PRELID2: variants seen among roughly 807,000 people sequenced by gnomAD.
PRELID2 encodes PRELI domain-containing protein 2.
In PRELID2, 25 loss-of-function variants were observed where a neutral mutation model predicts 28.4. The observed-to-expected ratio is 0.88, with a 90% CI of 0.64 to 1.23. The LOEUF (loss-of-function observed/expected upper bound fraction) is 1.23, where lower values mean the gene tolerates loss of function less well. Ranked by LOEUF, PRELID2 falls within the 50% of genes most tolerant of loss-of-function variation. The probability of loss-of-function intolerance (pLI) is 0.00; values close to 1 mark genes in which losing one functional copy is unlikely to be tolerated. For synonymous variants in PRELID2, 76 were observed against 71.6 expected, an observed-to-expected ratio of 1.06 and a Z score of -0.31; for missense variants, 201 against 214.4, an observed-to-expected ratio of 0.94 and a Z score of 0.39.
intron 1 of PRELID2, among the ~76,000 whole-genome samples, chr5:145,714,807 T>C (rs1269460414): frequency 6.6e-6 from 1 of 152,146 alleles, no homozygotes; most frequent in Non-Finnish European, 1.5e-5. Context: ...CACTTTCTTC[T>C]TGTTGCTTCT....
the PRELID2 span, among the ~76,000 whole-genome samples, chr5:145,256,446 T>G: frequency 6.6e-6 from 1 of 152,064 alleles, no homozygotes; most frequent in African/African-American, 2.4e-5. Context: ...GTTCACCCAG[T>G]TGATCCAGAA....
chr5:145,272,659 G>A, the PRELID2 span, among the ~76,000 whole-genome samples: 2 of 151,974 alleles, frequency 1.3e-5, no homozygotes, highest in Non-Finnish European at 2.9e-5. Context: ...GGGTTATTGA[G>A]ACAATTAGAT....
chr5:145,659,911 G>A (rs1272656385), intron 1 of PRELID2, among the ~76,000 whole-genome samples: 3 of 152,148 alleles, frequency 2.0e-5, no homozygotes, highest in Non-Finnish European at 4.4e-5. Flanking sequence ...ATAGAAAAGG[G>A]TAGCAGGAGA....
chr5:145,731,235 G>C (rs991510242), intron 1 of PRELID2, among the ~76,000 whole-genome samples: 58 of 152,330 alleles, frequency 3.8e-4, no homozygotes, highest in African/African-American at 1.3e-3. Context: ...AACATACTCA[G>C]TTTTGAACAT....
the PRELID2 span, among the ~76,000 whole-genome samples, chr5:145,275,901 T>C: frequency 5.9e-5 from 9 of 152,126 alleles, no homozygotes; most frequent in African/African-American, 2.2e-4. Flanking sequence ...TTTATCCTAA[T>C]CACAGTATGC....
intron 1 of PRELID2, among the ~76,000 whole-genome samples, chr5:145,577,350 A>T (rs1055128347): frequency 6.6e-6 from 1 of 152,166 alleles, no homozygotes; most frequent in Non-Finnish European, 1.5e-5. Context: ...CACAGAAACA[A>T]TTCAATGAAA....
chr5:145,293,094 A>G, the PRELID2 span, among the ~76,000 whole-genome samples: 1 of 152,142 alleles, frequency 6.6e-6, no homozygotes, highest in Non-Finnish European at 1.5e-5. Flanking sequence ...ATTCCCATTG[A>G]CTATAACTGA....
At chr5:145,593,907 G>C (rs540133097) in intron 1 of PRELID2, among the ~76,000 whole-genome samples, 1 of 152,174 alleles carries the variant, frequency 6.6e-6, no homozygotes, top group Non-Finnish European at 1.5e-5. Context: ...AGACAATCTG[G>C]GAACCTTGAA....
chr5:145,825,531 G>T (rs1314419888), intron 1 of PRELID2, among the ~76,000 whole-genome samples: 8 of 152,058 alleles, frequency 5.3e-5, no homozygotes, highest in African/African-American at 1.5e-4. Flanking sequence ...AATATATATT[G>T]ACTGAATATT....
the PRELID2 span, among the ~76,000 whole-genome samples, chr5:145,237,985 G>C: frequency 1.3e-5 from 2 of 151,966 alleles, no homozygotes; most frequent in African/African-American, 4.8e-5. Context: ...CTTACTCGAG[G>C]TTAGGCTGGA....
intron 1 of PRELID2, among the ~76,000 whole-genome samples, chr5:145,513,189 C>G (rs1268963627): frequency 6.6e-6 from 1 of 151,818 alleles, no homozygotes; most frequent in East Asian, 2.0e-4. Flanking sequence ...ACAAACTCCA[C>G]TGAGCTAAAG....
chr5:145,363,095 A>G, the PRELID2 span, among the ~76,000 whole-genome samples: 1 of 150,144 alleles, frequency 6.7e-6, no homozygotes, highest in African/African-American at 2.5e-5. Flanking sequence ...TCTTGATTCT[A>G]GCCACATATC....
intron 1 of PRELID2, among the ~76,000 whole-genome samples, chr5:145,554,122 A>G (rs1752860822): frequency 6.6e-6 from 1 of 152,242 alleles, no homozygotes; most frequent in African/African-American, 2.4e-5. Flanking sequence ...AATGAGTTCA[A>G]GAGGGAGTCC....
At chr5:145,297,184 CTCT>C in the PRELID2 span, among the ~76,000 whole-genome samples, 1 of 151,940 alleles carries the variant, frequency 6.6e-6, no homozygotes, top group African/African-American at 2.4e-5. Flanking sequence ...TGTGCAGAAG[CTCT>C]TTAGTTTAAT....
intron 2 of PRELID2, among the ~76,000 whole-genome samples, chr5:145,820,954 C>A (rs430811): frequency 2.6e-5 from 4 of 151,720 alleles, no homozygotes; most frequent in African/African-American, 9.7e-5. Context: ...GTTTTACGCA[C>A]GTTGGCATAT....
the PRELID2 span, among the ~76,000 whole-genome samples, chr5:145,380,040 A>G: frequency 5.9e-5 from 9 of 152,136 alleles, no homozygotes; most frequent in African/African-American, 2.2e-4. Context: ...CTTTCTGGCC[A>G]TGGTCTGCTA....
downstream of PRELID2, among the ~76,000 whole-genome samples, chr5:145,752,379 G>A (rs778525157): frequency 9.2e-5 from 14 of 152,170 alleles, no homozygotes; most frequent in Non-Finnish European, 1.9e-4. Flanking sequence ...ACTGTTTAAT[G>A]CAATCGGAAA....
the PRELID2 span, among the ~76,000 whole-genome samples, chr5:145,415,983 T>G: frequency 6.6e-6 from 1 of 152,244 alleles, no homozygotes; most frequent in Non-Finnish European, 1.5e-5. Context: ...CTAACTGGTG[T>G]GAGATGGTAT....
the PRELID2 span, among the ~76,000 whole-genome samples, chr5:145,422,026 C>T: frequency 4.1e-5 from 6 of 147,202 alleles, no homozygotes; most frequent in East Asian, 3.9e-4. Flanking sequence ...GTTCAGTTTC[C>T]ATGTAGTTGA....
Sources: gnomAD v4.1 joint callset for allele counts (sites outside exome capture counted in the v4.1 genomes callset) on GRCh38, gnomAD v4.1.1 for gene constraint, MANE v1.5 for transcripts, NCBI Gene and HGNC (gene_info 2026-07-23, HGNC 2026-07-21) for gene names.